The following TGFA variants were observed in gnomAD, a reference collection of about 807,000 sequenced individuals.
TGFA encodes the protein transforming growth factor alpha.
Under a neutral mutation model 21.7 loss-of-function variants are expected in TGFA, and 12 were observed. The ratio of observed to expected loss-of-function variants is 0.55; its 90% confidence interval spans 0.35 to 0.90. TGFA has a LOEUF of 0.90. Ranked by LOEUF, TGFA falls within the 40% of genes least tolerant of loss-of-function variation. The pLI is 0.01. For synonymous variants in TGFA, 79 were observed against 88.1 expected, an observed-to-expected ratio of 0.90 and a Z score of 0.58; for missense variants, 178 against 210.8, an observed-to-expected ratio of 0.84 and a Z score of 0.96.
chr2:70,514,931 G>C lies in TGFA; in HGVS notation c.41-19C>G. The C allele has an allele frequency of 1.2e-6, 2 of 1,612,980 alleles. No individual in the cohort carries two copies. Among genetic ancestry groups the C allele is most frequent in the Non-Finnish European group, 8.5e-7 (1 of 1,179,462 alleles). ...ACAATACCTGTTGGGTGGAGGAGAA[G>C]AGGGAAAAGGTCAGAGTCTGCTTGG... On this transcript the variant is annotated intron_variant, in intron 1 of 5. Transcript: ENST00000295400.
chr2:70,478,740 GAAGA>G (rs1671012065), intron 2 of TGFA, among the ~76,000 whole-genome samples: 1 of 152,178 alleles, frequency 6.6e-6, no homozygotes, highest in Non-Finnish European at 1.5e-5. Context: ...TTATCACTGA[GAAGA>G]AATAACCTGT....
intron 2 of TGFA, among the ~76,000 whole-genome samples, chr2:70,504,433 AAT>A (rs200901290): frequency 0.15 from 9,290 of 62,418 alleles, 821 homozygotes; most frequent in South Asian, 0.2. Flanking sequence ...AAACAAAACA[AAT>A]ATATATATAT....
At position 70,451,833 on chromosome 2, in the gene TGFA, G is replaced by C. The variant is rs376993051; in HGVS notation, c.476-967C>G. The C allele has an allele frequency of 7.1e-5, 48 of 672,752 alleles. No individual in the cohort carries two copies. The East Asian group carries it at 1.3e-3, about 18-fold the overall frequency. The allele number at this position is 672,752 out of a possible 1,614,324, so 41.7% of individuals were successfully genotyped here. On this transcript the variant is annotated intron_variant, in intron 5 of 5. Coordinates refer to ENST00000295400, the MANE Select transcript of TGFA (RefSeq NM_003236.4). ...CTCACTCCCCCACTGATTCCCAGTG[G>C]GACCCAAGCAGGCTGTCATCAGACT...
chr2:70,469,991 T>C (rs534700588), intron 2 of TGFA, among the ~76,000 whole-genome samples: 31 of 151,800 alleles, frequency 2.0e-4, no homozygotes, highest in Non-Finnish European at 4.4e-4. Context: ...GTTATAAAAA[T>C]AGGTACCATA....
At chr2:70,470,884 A>G (rs375168237) in intron 2 of TGFA, among the ~76,000 whole-genome samples, 36 of 152,336 alleles carry the variant, frequency 2.4e-4, no homozygotes, top group African/African-American at 4.3e-4. Flanking sequence ...CAACCATGAT[A>G]CATTCACTCT....
intron 2 of TGFA, among the ~76,000 whole-genome samples, chr2:70,497,328 C>T (rs1377259652): frequency 6.6e-6 from 1 of 152,194 alleles, no homozygotes; most frequent in Non-Finnish European, 1.5e-5. Flanking sequence ...GAAGCTTACA[C>T]ACATTTTTAA....
At chr2:70,492,706 TC>T (rs1412116778) in intron 2 of TGFA, among the ~76,000 whole-genome samples, 1 of 152,222 alleles carries the variant, frequency 6.6e-6, no homozygotes, top group Non-Finnish European at 1.5e-5. Context: ...GTAGGGGTTT[TC>T]CATATTCTCA....
At chr2:70,496,255 T>C (rs1553498324) in intron 2 of TGFA, among the ~76,000 whole-genome samples, 1 of 152,210 alleles carries the variant, frequency 6.6e-6, no homozygotes, top group East Asian at 1.9e-4. Context: ...AAGACACATA[T>C]TGCTTCTCAA....
chr2:70,547,143 G>A (rs569620112), intron 1 of TGFA, among the ~76,000 whole-genome samples: 7 of 152,200 alleles, frequency 4.6e-5, no homozygotes, highest in Non-Finnish European at 7.4e-5. Context: ...ATGTTGTATC[G>A]GTTAATATTC....
At chr2:70,517,545 T>A (rs1672323373) in intron 1 of TGFA, among the ~76,000 whole-genome samples, 1 of 152,180 alleles carries the variant, frequency 6.6e-6, no homozygotes, top group Admixed American at 6.5e-5. Flanking sequence ...ATGACATAGG[T>A]GCCTCCCAAC....
chr2:70,455,805 G>A (rs1670210021), intron 4 of TGFA, among the ~76,000 whole-genome samples: 2 of 152,180 alleles, frequency 1.3e-5, no homozygotes, highest in Admixed American at 1.3e-4. Context: ...CTAGGCCCCA[G>A]GGAGGCTTCC....
intron 1 of TGFA, among the ~76,000 whole-genome samples, chr2:70,546,467 C>G (rs1386679460): frequency 6.6e-6 from 1 of 151,972 alleles, no homozygotes; most frequent in Non-Finnish European, 1.5e-5. Context: ...TCCCTCTCTC[C>G]ATCCCAATGA....
chr2:70,463,356 C>T (rs1338006445), intron 3 of TGFA, among the ~76,000 whole-genome samples: 2 of 152,072 alleles, frequency 1.3e-5, no homozygotes, highest in Non-Finnish European at 2.9e-5. Context: ...CCCTGATTAG[C>T]AAAGTGTAAG....
chr2:70,466,626 C>T (rs1415881690), intron 2 of TGFA, among the ~76,000 whole-genome samples: 1 of 152,148 alleles, frequency 6.6e-6, no homozygotes, highest in East Asian at 1.9e-4. Flanking sequence ...CAGGGCTTCT[C>T]TTGGTAGGAT....
intron 1 of TGFA, among the ~76,000 whole-genome samples, chr2:70,545,403 T>G (rs546883628): frequency 3.3e-4 from 51 of 152,278 alleles, no homozygotes; most frequent in African/African-American, 1.2e-3. Flanking sequence ...TATGCCACAG[T>G]ATGCCCCAGA....
At chr2:70,481,417 C>T (rs1559112001) in intron 2 of TGFA, among the ~76,000 whole-genome samples, 1 of 152,210 alleles carries the variant, frequency 6.6e-6, no homozygotes, top group Non-Finnish European at 1.5e-5. Context: ...CCAGAAACCT[C>T]TGTGTATTGT....
chr2:70,451,608 T>G, intron 5 of TGFA: 1 of 607,712 alleles, frequency 1.6e-6, no homozygotes. Flanking sequence ...AACAAGAAAC[T>G]TACTCCACCC....
Position 70,453,229 on chromosome 2 carries a change from T to A in TGFA, c.464A>T (p.His155Leu). The A allele has an allele frequency of 6.2e-7, 1 of 1,613,560 alleles. No homozygotes were observed. The highest frequency in any genetic ancestry group is 8.5e-7 in the Non-Finnish European group (1 of 1,179,578). ...ALLKGRTACCHSETVV is the reference protein window; with the variant it reads ...ALLKGRTACCLSETVV The stretch of plus-strand genomic sequence containing the variant: ...AAGAGTCTCCTTACCTGTTTCTGAG[T>A]GGCAGCAAGCGGTTCTTCCCTTCAG... Residue 155 changes from histidine (H) to leucine (L), a missense_variant, in exon 5 of 6, where the codon CAC becomes CTC. Coordinates refer to ENST00000295400, the MANE Select transcript of TGFA (RefSeq NM_003236.4).
intron 1 of TGFA, among the ~76,000 whole-genome samples, chr2:70,542,451 C>T (rs1177426657): frequency 1.3e-5 from 2 of 152,038 alleles, no homozygotes; most frequent in African/African-American, 4.8e-5. Context: ...CCTAAGGAAC[C>T]CAAGCTGAAG....
Sources: allele counts gnomAD v4.1 joint callset (sites outside exome capture counted in the v4.1 genomes callset), GRCh38; gene constraint gnomAD v4.1.1; transcripts MANE v1.5; gene names NCBI Gene and HGNC (gene_info 2026-07-23, HGNC 2026-07-21).